Variants in CFAP47 observed in about 807,000 individuals in gnomAD.
CFAP47 encodes cilia- and flagella-associated protein 47.
In CFAP47, 29 loss-of-function variants were observed where a neutral mutation model predicts 148.1. The ratio of observed to expected loss-of-function variants is 0.20; its 90% confidence interval spans 0.15 to 0.27. The LOEUF (loss-of-function observed/expected upper bound fraction) is 0.27. CFAP47 is among the 10% of genes least tolerant of loss of function. The pLI, the probability that CFAP47 is intolerant of heterozygous loss-of-function variation, is 1.00. For missense variants in CFAP47, 1,872 were observed against 1,697.5 expected (o/e 1.10, Z -1.81); for synonymous variants, 664 against 577.3 (o/e 1.15, Z -2.15).
intron 33 of CFAP47, among the ~76,000 whole-genome samples, chrX:36,132,362 C>A (rs2146825121): frequency 8.9e-6 from 1 of 111,797 alleles, no homozygotes; most frequent in Non-Finnish European, 1.9e-5. Flanking sequence ...AAAAAGACAA[C>A]CATTGACCAA....
chrX:36,148,839 G>T (rs969013695), intron 36 of CFAP47, among the ~76,000 whole-genome samples: 3 of 110,059 alleles, frequency 2.7e-5, no homozygotes, highest in Admixed American at 9.7e-5. Context: ...AGATGCTTTT[G>T]CATTTGTAAT....
At chrX:36,041,686 G>A (rs1199653028) in intron 25 of CFAP47, among the ~76,000 whole-genome samples, 1 of 110,761 alleles carries the variant, frequency 9.0e-6, no homozygotes, top group African/African-American at 3.3e-5. Flanking sequence ...CACTTTGGGA[G>A]GCCGAGGCGG....
rs191338118 is a variant in CFAP47, at chrX:36,073,046, G to A, written c.4466-93G>A. 1.8e-5 allele frequency: 10 copies of A among 552,674 alleles called. No homozygotes were observed. In the East Asian group the frequency reaches 3.6e-4, roughly 20 times the overall value. The allele number at this position is 552,674 out of a possible 1,213,427, so 45.5% of individuals were successfully genotyped here. The stretch of plus-strand genomic sequence containing the variant: ...GAGCATAGAATAATTTGTAGAATAG[G>A]TTCTATTAGTCTGCATACAAATGAC... On this transcript the variant is annotated intron_variant, in intron 28 of 63. Coordinates refer to ENST00000378653, the MANE Select transcript of CFAP47 (RefSeq NM_001304548.2).
intron 49 of CFAP47, among the ~76,000 whole-genome samples, chrX:36,269,881 C>T (rs1940937879): frequency 1.8e-5 from 2 of 111,741 alleles, no homozygotes; most frequent in Admixed American, 9.5e-5. Context: ...ATATGCATTT[C>T]AAACATTGTA....
chrX:36,323,800 T>C (rs782428376), intron 57 of CFAP47, among the ~76,000 whole-genome samples: 1 of 111,821 alleles, frequency 8.9e-6, no homozygotes, highest in South Asian at 3.7e-4. Flanking sequence ...TAGATCTAGA[T>C]GTAGTTATAT....
intron 24 of CFAP47, among the ~76,000 whole-genome samples, chrX:36,037,380 G>GTTGTTGTT (rs200757134): frequency 9.1e-6 from 1 of 109,320 alleles, no homozygotes; most frequent in African/African-American, 3.4e-5. Flanking sequence ...TGTTGTTGTT[G>GTTGTTGTT]GAGATGGAGT....
rs372613400 is a variant in CFAP47 at position 35,919,808 on chromosome X, C to A, written c.9C>A (p.Thr3=). 153 of 1,203,239 alleles carry A rather than the reference C, an allele frequency of 1.3e-4. No homozygotes were observed. The highest frequency in any genetic ancestry group is 1.1e-3 in the South Asian group (63 of 55,684). ...CTACCGAGAGGGCAGCCATGAACAC[C>A]CAAAAGGGTTCCCTCACCATAAACG... is the stretch of plus-strand genomic sequence containing the variant. MN[T]QKGSLTINVH... The change falls in exon 1 of 64, where the codon ACC becomes ACA. Residue 3 remains threonine (T), a synonymous_variant. Transcript: ENST00000378653.
At chrX:35,940,774 G>A in intron 2 of CFAP47, among the ~76,000 whole-genome samples, 1 of 111,290 alleles carries the variant, frequency 9.0e-6, no homozygotes. Context: ...AACCATGAAT[G>A]TCTAGCCAAA....
intron 51 of CFAP47, among the ~76,000 whole-genome samples, chrX:36,292,462 CAAT>C (rs1458484390): frequency 9.0e-6 from 1 of 111,721 alleles, no homozygotes; most frequent in African/African-American, 3.2e-5. Context: ...AAGATTTCCT[CAAT>C]AATATGCCTT....
chrX:35,928,080 T>C (rs1488383401), intron 2 of CFAP47, among the ~76,000 whole-genome samples: 1 of 108,845 alleles, frequency 9.2e-6, no homozygotes, highest in African/African-American at 3.3e-5. Flanking sequence ...CAGATTCCAG[T>C]TTTTAGCTAT....
intron 60 of CFAP47, among the ~76,000 whole-genome samples, chrX:36,355,338 TATC>T (rs781811715): frequency 1.5e-4 from 17 of 111,558 alleles, no homozygotes; most frequent in African/African-American, 5.5e-4. Context: ...AAAAGAGAAT[TATC>T]ATCTATTATC....
At chrX:36,071,106 TG>T (rs1937743453) in intron 27 of CFAP47, among the ~76,000 whole-genome samples, 1 of 112,506 alleles carries the variant, frequency 8.9e-6, no homozygotes, top group African/African-American at 3.2e-5. Flanking sequence ...CTTCTACCTC[TG>T]GCTTGCCCTT....
chrX:36,136,140 A>T (rs1195216041), intron 33 of CFAP47, among the ~76,000 whole-genome samples: 2 of 110,836 alleles, frequency 1.8e-5, no homozygotes, highest in African/African-American at 6.5e-5. Context: ...GGCGGGTGTC[A>T]TAATGAATTC....
intron 62 of CFAP47, 26 bp from the exon 63 acceptor site, chrX:36,379,324 A>T (rs1377778730): frequency 4.3e-6 from 5 of 1,154,533 alleles, no homozygotes; most frequent in Non-Finnish European, 5.8e-6. Context: ...AAATTTACTA[A>T]GTTGAATTTT....
Position 36,319,223 on chromosome X carries a change from A to G in CFAP47, c.8359A>G (p.Arg2787Gly), listed in dbSNP as rs782433192. 7 of 1,102,577 alleles carry G rather than the reference A, an allele frequency of 6.3e-6. No homozygotes were observed. In the South Asian group the frequency reaches 1.1e-4, roughly 17 times the overall value. 90.9% of individuals were successfully genotyped at this position (1,102,577 alleles called of 1,213,427 possible). ...TTTTTAATTAGGTGTGGAACATCCC[A>G]GGAATCTTGTCATGGATCATTGCTG... ...DIILTSVEHP[R>G]NLVMDHCWDS... Residue 2787 changes from arginine (R) to glycine (G), a missense_variant, in exon 57 of 64, where the codon AGG becomes GGG. Arg to Gly is a moderately radical substitution (Grantham distance 125). Coordinates refer to ENST00000378653, the MANE Select transcript of CFAP47 (RefSeq NM_001304548.2).
intron 33 of CFAP47, among the ~76,000 whole-genome samples, chrX:36,123,644 A>G (rs1047071361): frequency 9.1e-6 from 1 of 110,147 alleles, no homozygotes; most frequent in Non-Finnish European, 1.9e-5. Flanking sequence ...GTAAGCTTGT[A>G]GTAACTTCTG....
At chrX:36,251,756 G>C (rs782592597) in intron 49 of CFAP47, among the ~76,000 whole-genome samples, 1 of 111,258 alleles carries the variant, frequency 9.0e-6, no homozygotes, top group African/African-American at 3.3e-5. Flanking sequence ...TTATACCCGC[G>C]TATCAACCCA....
chrX:35,989,493 A>T (rs974601928), intron 16 of CFAP47, 44 bp downstream of exon 16: 2 of 1,210,689 alleles, frequency 1.7e-6, no homozygotes, highest in Non-Finnish European at 2.2e-6. Flanking sequence ...GAGGGCTATG[A>T]ATTTGTTGGG....
chrX:36,062,557 T>C (rs1937603149), intron 26 of CFAP47, among the ~76,000 whole-genome samples: 1 of 111,643 alleles, frequency 9.0e-6, no homozygotes, highest in South Asian at 3.7e-4. Context: ...ATCATACCAT[T>C]CAATATCAAA....
Sources: allele counts gnomAD v4.1 joint callset (sites outside exome capture counted in the v4.1 genomes callset), GRCh38; gene constraint gnomAD v4.1.1; transcripts MANE v1.5; gene names NCBI Gene and HGNC (gene_info 2026-07-23, HGNC 2026-07-21).